IPO9: variants seen among roughly 807,000 people sequenced by gnomAD.
The protein encoded by IPO9 is importin-9.
In IPO9, 28 loss-of-function variants were observed where a neutral mutation model predicts 128.6. That is an observed-to-expected ratio of 0.22 (90% CI 0.16 to 0.30). IPO9 has a LOEUF of 0.30. IPO9 is among the 10% of genes least tolerant of loss of function. IPO9 has a pLI of 1.00. For missense variants in IPO9, 935 were observed against 1,293.9 expected (o/e 0.72, Z 4.26); for synonymous variants, 455 against 475.8 (o/e 0.96, Z 0.57).
At position 201,857,759 on chromosome 1, in the gene IPO9, C is replaced by T. The variant is rs571139013; in HGVS notation, c.1221+565C>T. 8.3e-5 allele frequency among the ~76,000 whole-genome samples: 12 copies of T among 144,642 alleles called. No individual in the cohort carries two copies. The South Asian group carries it at 1.3e-3, about 16-fold the overall frequency. The allele number at this position is 144,642 out of a possible 152,430, so 94.9% of individuals were successfully genotyped here. On this transcript the variant is annotated intron_variant, in intron 11 of 23. Transcript: ENST00000361565. Reference sequence around the variant, plus strand: ...GTGGTGAGCCAAGATTACACCATTGCGCTCCAGCCTGGGCGACAAGAGTGA... The same window carrying T: ...GTGGTGAGCCAAGATTACACCATTGTGCTCCAGCCTGGGCGACAAGAGTGA...
chr1:201,829,442 T>A, intron 1 of IPO9, 70 bp downstream of exon 1: 1 of 1,404,638 alleles, frequency 7.1e-7, no homozygotes, highest in African/African-American at 1.5e-5. Context: ...CCGTACCGGC[T>A]GGGGACATGG....
In IPO9 at chr1:201,855,777, C is replaced by G. The variant is rs777957772; in HGVS notation, c.971-6C>G. On this transcript the variant is annotated splice_polypyrimidine_tract_variant and splice_region_variant and intron_variant, in intron 9 of 23. Coordinates refer to ENST00000361565, the MANE Select transcript of IPO9 (RefSeq NM_018085.5). ...ATTAATTTCTTCTCTTCTGTATTTC[C>G]TGCAGGTGAAGTCCTGGGCTTTGAA... 2 of 1,605,896 alleles carry G rather than the reference C, an allele frequency of 1.2e-6. No homozygotes were observed. The highest frequency in any genetic ancestry group is 1.7e-6 in the Non-Finnish European group (2 of 1,178,282).
intron 1 of IPO9, among the ~76,000 whole-genome samples, chr1:201,834,720 G>A (rs1259489899): frequency 6.6e-6 from 1 of 151,942 alleles, no homozygotes; most frequent in Non-Finnish European, 1.5e-5. Context: ...CCTATCATTT[G>A]GCCTTGTCTA....
chr1:201,870,916 G>A lies in IPO9; in HGVS notation c.2409+58G>A, dbSNP rs547500646. The A allele has an allele frequency of 3.2e-5, 47 of 1,478,310 alleles. No individual in the cohort carries two copies. The highest frequency in any genetic ancestry group is 1.2e-4 in the African/African-American group (7 of 57,282). 91.6% of individuals were successfully genotyped at this position (1,478,310 alleles called of 1,614,324 possible). ...CCCTGGCTGATAGAAATGAAAATTC[G>A]TATTTTGGTCCTGAGTTATTTTATT... On this transcript the variant is annotated intron_variant, in intron 18 of 23. Coordinates refer to ENST00000361565, the MANE Select transcript of IPO9 (RefSeq NM_018085.5). This position sits in a 1 kb window ranked among gnomAD's most constrained non-coding sequence, Gnocchi z 4.9.
intron 4 of IPO9, among the ~76,000 whole-genome samples, chr1:201,849,961 C>T (rs1385377992): frequency 6.6e-6 from 1 of 152,176 alleles, no homozygotes; most frequent in Non-Finnish European, 1.5e-5. Context: ...TTCATAGTGC[C>T]AGGATATCAA....
rs1363560923 is a variant in IPO9, at chr1:201,877,160, G to A, written c.*1106G>A. 1 of 152,182 alleles carries A rather than the reference G, an allele frequency of 6.6e-6. No homozygotes were observed. Among genetic ancestry groups the A allele is most frequent in the African/African-American group, 2.4e-5 (1 of 41,434 alleles). 9.4% of individuals were successfully genotyped at this position (152,182 alleles called of 1,614,324 possible). ...ATTTTTAAGGGAGATTCCTTAATTGGGAAGTTTAGTCTGTTTGGGGTTCAA... is the reference window on the plus strand; with the variant it reads ...ATTTTTAAGGGAGATTCCTTAATTGAGAAGTTTAGTCTGTTTGGGGTTCAA... On this transcript the variant is annotated 3_prime_UTR_variant, in exon 24 of 24. Coordinates refer to ENST00000361565, the MANE Select transcript of IPO9 (RefSeq NM_018085.5).
chr1:201,876,163 C>T lies in IPO9; in HGVS notation c.*109C>T. 2.5e-6 allele frequency: 2 copies of T among 807,530 alleles called. No individual in the cohort carries two copies. The highest frequency in any genetic ancestry group is 4.5e-6 in the Non-Finnish European group (2 of 445,688). 50.0% of individuals were successfully genotyped at this position (807,530 alleles called of 1,614,324 possible). On this transcript the variant is annotated 3_prime_UTR_variant, in exon 24 of 24. Transcript: ENST00000361565. The stretch of plus-strand genomic sequence containing the variant: ...TTCTCAACCTAAAGTGGCATCTTGA[C>T]CCTTGGCCCTTGGCCTCGGCAGTGA...
intron 17 of IPO9, among the ~76,000 whole-genome samples, chr1:201,869,929 A>G (rs1426534178): frequency 1.3e-5 from 2 of 152,200 alleles, no homozygotes; most frequent in Non-Finnish European, 2.9e-5. Flanking sequence ...TATGGATACC[A>G]AGCACCCTGC....
At chr1:201,847,756 T>G in intron 3 of IPO9, 118 bp downstream of exon 3, 1 of 743,790 alleles carries the variant, frequency 1.3e-6, no homozygotes, top group East Asian at 2.7e-5. Flanking sequence ...AAAAGGAGAT[T>G]GGTGGCTGGC....
At chr1:201,843,184 A>T (rs1407627698) in intron 1 of IPO9, among the ~76,000 whole-genome samples, 1 of 152,192 alleles carries the variant, frequency 6.6e-6, no homozygotes, top group African/African-American at 2.4e-5. Context: ...GGCTATTTTT[A>T]CTGTCAGGCA....
chr1:201,872,260 A>T (rs965496751), intron 19 of IPO9, among the ~76,000 whole-genome samples: 9 of 152,028 alleles, frequency 5.9e-5, no homozygotes, highest in African/African-American at 1.7e-4. Flanking sequence ...TGGCTTCCTA[A>T]CTTTTTATCC....
intron 1 of IPO9, among the ~76,000 whole-genome samples, chr1:201,845,024 G>C (rs1680099403): frequency 6.7e-6 from 1 of 149,604 alleles, no homozygotes; most frequent in African/African-American, 2.5e-5. Flanking sequence ...TTTTTTTTGG[G>C]AGGGGGGGGC....
chr1:201,841,419 A>G (rs12097036), intron 1 of IPO9, among the ~76,000 whole-genome samples: 2,076 of 152,324 alleles, frequency 0.014, 42 homozygotes, highest in African/African-American at 0.045. Flanking sequence ...AGGGAAGAGT[A>G]GAATGAACCT....
At chr1:201,867,561 T>G (rs1436583422) in intron 15 of IPO9, among the ~76,000 whole-genome samples, 1 of 152,086 alleles carries the variant, frequency 6.6e-6, no homozygotes, top group Non-Finnish European at 1.5e-5. Context: ...TGATCCCAAG[T>G]TTTGATTTTT....
chr1:201,870,857 A>T lies in IPO9; in HGVS notation c.2408A>T (p.Gln803Leu). The T allele has an allele frequency of 6.2e-7, 1 of 1,606,400 alleles. No homozygotes were observed. The highest frequency in any genetic ancestry group is 8.5e-7 in the Non-Finnish European group (1 of 1,174,598). The part of the protein sequence containing the change: ...MQQAETLSVM[Q>L]SLIMVFAHLV... ...CAGGCAGAGACGCTCAGTGTCATGC[A>T]GGTAAGAGAGCAGTGGGGAGTGGGC... Residue 803 changes from glutamine to leucine, a missense_variant and splice_region_variant, in exon 18 of 24, where the codon CAG becomes CTG. Physicochemically the swap from Gln to Leu is moderately radical, Grantham distance 113. Transcript: ENST00000361565. The surrounding 1 kb of genome is among the most constrained non-coding windows in gnomAD (Gnocchi z 4.9).
chr1:201,875,007 A>G, intron 22 of IPO9, 71 bp downstream of exon 22: 6 of 1,372,448 alleles, frequency 4.4e-6, no homozygotes, highest in Middle Eastern at 1.8e-4. Flanking sequence ...ACAGTGGGGT[A>G]CCCAAGAAAG....
chr1:201,857,284 A>C, intron 11 of IPO9, 90 bp downstream of exon 11: 2 of 855,594 alleles, frequency 2.3e-6, no homozygotes, highest in Non-Finnish European at 2.0e-6. Flanking sequence ...CAAGGTGAGC[A>C]GTGTTGTTGG....
chr1:201,848,539 G>A lies in IPO9; in HGVS notation c.459G>A (p.Glu153=). 1 of 1,614,166 alleles carries A rather than the reference G, an allele frequency of 6.2e-7. No homozygotes were observed. Among genetic ancestry groups the A allele is most frequent in the South Asian group, 1.1e-5 (1 of 91,084 alleles). Residue 153 remains glutamate (E), a synonymous_variant, in exon 4 of 24, where the codon GAG becomes GAA. Transcript: ENST00000361565. The part of the protein sequence containing the change: ...AWPQLFNLLM[E]MLVSGDLNAV... ...CCCAACTCTTCAACCTGCTCATGGA[G>A]ATGTTGGTGAGCGGAGACTTAAATG...
At chr1:201,829,415 A>G (rs1291709035) in intron 1 of IPO9, 43 bp downstream of exon 1, 3 of 1,503,744 alleles carry the variant, frequency 2.0e-6, no homozygotes, top group African/African-American at 2.9e-5. Context: ...CAGCCGCACA[A>G]TCCGCTGACC....
Sources: allele counts gnomAD v4.1 joint callset (sites outside exome capture counted in the v4.1 genomes callset), GRCh38; gene constraint gnomAD v4.1.1; non-coding constraint Gnocchi (gnomAD v3.1); transcripts MANE v1.5; gene names NCBI Gene and HGNC (gene_info 2026-07-23, HGNC 2026-07-21).